SMURF1: variants seen among roughly 807,000 people sequenced by gnomAD.
SMURF1 encodes the protein E3 ubiquitin-protein ligase SMURF1.
Under a neutral mutation model 98.0 loss-of-function variants are expected in SMURF1, and 44 were observed. The observed-to-expected ratio is 0.45, with a 90% CI of 0.35 to 0.58. The LOEUF is 0.58. Ranked by LOEUF, SMURF1 falls within the 20% of genes least tolerant of loss-of-function variation. The pLI is 0.00. For synonymous variants in SMURF1, 396 were observed against 374.9 expected (o/e 1.06, Z -0.65); for missense variants, 687 against 938.4 (o/e 0.73, Z 3.50).
chr7:99,067,466 A>C (rs1173336262), intron 1 of SMURF1, among the ~76,000 whole-genome samples: 1 of 152,062 alleles, frequency 6.6e-6, no homozygotes, highest in East Asian at 1.9e-4. Flanking sequence ...CCTTAGCCAG[A>C]TCATGCCTCT....
chr7:99,085,127 GA>G (rs1305266661), intron 1 of SMURF1, among the ~76,000 whole-genome samples: 2 of 152,014 alleles, frequency 1.3e-5, no homozygotes, highest in African/African-American at 2.4e-5. Flanking sequence ...GAGGTGGGTG[GA>G]TCACCTGAGG....
chr7:99,059,085 A>C (rs1795954858), intron 3 of SMURF1, among the ~76,000 whole-genome samples: 1 of 151,962 alleles, frequency 6.6e-6, no homozygotes, highest in Middle Eastern at 3.4e-3. Flanking sequence ...CTCTGTTTGA[A>C]AAAAAAATTT....
chr7:99,118,418 A>G (rs746060475), intron 1 of SMURF1, among the ~76,000 whole-genome samples: 18 of 152,268 alleles, frequency 1.2e-4, no homozygotes, highest in Non-Finnish European at 2.2e-4. Flanking sequence ...CAATCAATTA[A>G]AAGAATGTGG....
At chr7:99,118,756 A>G (rs1230709326) in intron 1 of SMURF1, among the ~76,000 whole-genome samples, 1 of 152,152 alleles carries the variant, frequency 6.6e-6, no homozygotes, top group African/African-American at 2.4e-5. Flanking sequence ...AGAGCCACTT[A>G]ATTATACACG....
intron 1 of SMURF1, among the ~76,000 whole-genome samples, chr7:99,063,246 TATATATATATA>T (rs1796088339): frequency 3.5e-4 from 1 of 2,842 alleles, no homozygotes; most frequent in African/African-American, 6.1e-4. Context: ...TTTATTTATA[TATATATATATA>T]TATATATATA....
intron 1 of SMURF1, among the ~76,000 whole-genome samples, chr7:99,122,275 C>A (rs1243291914): frequency 2.7e-5 from 4 of 150,172 alleles, no homozygotes; most frequent in African/African-American, 9.8e-5. Context: ...TTGCAGTAAG[C>A]CGAGATCGGG....
At chr7:99,129,310 A>G (rs1797811185) in intron 1 of SMURF1, among the ~76,000 whole-genome samples, 1 of 152,200 alleles carries the variant, frequency 6.6e-6, no homozygotes, top group Non-Finnish European at 1.5e-5. Flanking sequence ...TATTGAACAC[A>G]TTATGTACCA....
intron 5 of SMURF1, among the ~76,000 whole-genome samples, chr7:99,055,624 T>C (rs1306454292): frequency 6.6e-6 from 1 of 152,142 alleles, no homozygotes; most frequent in Non-Finnish European, 1.5e-5. Context: ...CATGTGCCAC[T>C]GAGCCCAGTT....
At chr7:99,136,061 C>A (rs558072113) in intron 1 of SMURF1, among the ~76,000 whole-genome samples, 4 of 152,148 alleles carry the variant, frequency 2.6e-5, no homozygotes, top group Non-Finnish European at 4.4e-5. Flanking sequence ...CAGGGCACAG[C>A]GGCATATACT....
chr7:99,035,453 C>T, intron 16 of SMURF1, 62 bp downstream of exon 16: 1 of 1,584,006 alleles, frequency 6.3e-7, no homozygotes, highest in Non-Finnish European at 8.6e-7. Context: ...CACCTTCCAG[C>T]TCTTCCTGCC....
chr7:99,094,232 A>ATATCAC, intron 1 of SMURF1, among the ~76,000 whole-genome samples: 1 of 152,350 alleles, frequency 6.6e-6, no homozygotes, highest in East Asian at 1.9e-4. Context: ...ATAGCTTTCT[A>ATATCAC]TATCACAAAG....
intron 12 of SMURF1, among the ~76,000 whole-genome samples, 169 bp from the exon 13 acceptor site, chr7:99,040,725 T>A (rs1795343817): frequency 6.6e-6 from 1 of 152,202 alleles, no homozygotes. Context: ...GCTGCTTGTG[T>A]AGCAGAAATT....
chr7:99,036,945 A>G, intron 15 of SMURF1, 122 bp downstream of exon 15: 1 of 1,457,540 alleles, frequency 6.9e-7, no homozygotes, highest in Non-Finnish European at 9.4e-7. Context: ...TAGTCTGGGA[A>G]CCCCAGCAGC....
intron 1 of SMURF1, among the ~76,000 whole-genome samples, chr7:99,095,174 G>A (rs1350112365): frequency 6.6e-6 from 1 of 152,146 alleles, no homozygotes; most frequent in Non-Finnish European, 1.5e-5. Flanking sequence ...CCGCCTCCCA[G>A]GTTCAAGAGA....
intron 15 of SMURF1, chr7:99,036,373 G>A (rs1457801552): frequency 3.2e-5 from 5 of 154,764 alleles, no homozygotes; most frequent in African/African-American, 1.2e-4. Flanking sequence ...AGCTACTCGG[G>A]AGGCGGAGGT....
At chr7:99,058,799 GTCT>G (rs1273022952) in intron 3 of SMURF1, among the ~76,000 whole-genome samples, 1 of 152,182 alleles carries the variant, frequency 6.6e-6, no homozygotes, top group Non-Finnish European at 1.5e-5. Context: ...TAAAATAGTG[GTCT>G]TCACAGCCAG....
At chr7:99,129,216 C>T (rs1466157993) in intron 1 of SMURF1, among the ~76,000 whole-genome samples, 1 of 152,102 alleles carries the variant, frequency 6.6e-6, no homozygotes, top group African/African-American at 2.4e-5. Flanking sequence ...TTTCTTTTTA[C>T]GTAGTACATA....
At position 99,059,409 on chromosome 7, in the gene SMURF1, AAATAAAAT is replaced by A. The variant is rs1563010552; in HGVS notation, c.203+1182_203+1189del. On this transcript the variant is annotated intron_variant, in intron 3 of 17. Coordinates refer to ENST00000361368, the MANE Select transcript of SMURF1 (RefSeq NM_181349.3). ...CAAGACTCCATCTCAAAAAAAAATA[AAATAAAAT>A]AAAATAAAATAAAATAAAATAAAAT... is the stretch of plus-strand genomic sequence containing the variant. Among the ~76,000 whole-genome samples, 60 of 33,964 alleles carry A rather than the reference AAATAAAAT, an allele frequency of 1.8e-3. 5 individuals carry two copies. Among genetic ancestry groups the A allele is most frequent in the Admixed American group, 5.1e-3 (19 of 3,762 alleles). 22.3% of individuals were successfully genotyped at this position (33,964 alleles called of 152,430 possible). A position where few individuals can be genotyped will look rare whatever the true frequency, so the allele number is the denominator to read the frequency against.
At chr7:99,060,554 G>A (rs778221390) in intron 3 of SMURF1, 45 bp downstream of exon 3, 1 of 1,389,024 alleles carries the variant, frequency 7.2e-7, no homozygotes, top group Non-Finnish European at 1.0e-6. Context: ...GTAGACACCT[G>A]CTTTCCTGCC....
Sources: gnomAD v4.1 joint callset for allele counts (sites outside exome capture counted in the v4.1 genomes callset) on GRCh38, gnomAD v4.1.1 for gene constraint, MANE v1.5 for transcripts, NCBI Gene and HGNC (gene_info 2026-07-23, HGNC 2026-07-21) for gene names.